The following EYA2 variants were observed in gnomAD, a reference collection of about 807,000 sequenced individuals.
EYA2 encodes protein phosphatase EYA2.
EYA2 carries 31 observed loss-of-function variants against 69.2 expected under a neutral mutation model. The ratio of observed to expected loss-of-function variants is 0.45; its 90% CI spans 0.34 to 0.60. The LOEUF is 0.60. EYA2 is among the 20% of genes least tolerant of loss of function. EYA2 has a pLI of 0.02. For synonymous variants in EYA2, 257 were observed against 279.4 expected (o/e 0.92, Z 0.80); for missense variants, 622 against 701.2 (o/e 0.89, Z 1.28).
intron 11 of EYA2, among the ~76,000 whole-genome samples, chr20:47,169,490 A>G (rs538878890): frequency 6.6e-6 from 1 of 152,252 alleles, no homozygotes; most frequent in African/African-American, 2.4e-5. Flanking sequence ...CTACTATAAT[A>G]AATAAATGAG....
At chr20:47,057,129 A>G (rs577155913) in intron 5 of EYA2, among the ~76,000 whole-genome samples, 2 of 122,368 alleles carry the variant, frequency 1.6e-5, no homozygotes, top group East Asian at 5.2e-4. Context: ...GGAAGAAGAC[A>G]GGAAGGAGGG....
intron 1 of EYA2, among the ~76,000 whole-genome samples, chr20:46,938,008 A>G (rs1172017596): frequency 1.3e-5 from 2 of 152,184 alleles, no homozygotes; most frequent in Admixed American, 1.3e-4. Flanking sequence ...ATCTTATCTT[A>G]TCCCCATTGC....
At chr20:47,123,729 G>T (rs1217946028) in intron 9 of EYA2, among the ~76,000 whole-genome samples, 1 of 152,162 alleles carries the variant, frequency 6.6e-6, no homozygotes, top group Non-Finnish European at 1.5e-5. Context: ...GGTGGCTCAC[G>T]CCTGTAATCC....
rs1330402951 is a variant in EYA2, at chr20:47,097,065, C to G, written c.805-20C>G. ...ACGTGAGTCCATTTTTCTCCATTCTCTTCCTCTCTTTCATCACAGCGTGTG... is the reference window on the plus strand; with the variant it reads ...ACGTGAGTCCATTTTTCTCCATTCTGTTCCTCTCTTTCATCACAGCGTGTG... On this transcript the variant is annotated intron_variant, in intron 8 of 15. Transcript: ENST00000327619. 6.3e-7 allele frequency: 1 copy of G among 1,595,692 alleles called. No individual in the cohort carries two copies.
At chr20:46,911,209 T>C (rs1014435078) in intron 1 of EYA2, among the ~76,000 whole-genome samples, 1 of 151,640 alleles carries the variant, frequency 6.6e-6, no homozygotes, top group African/African-American at 2.4e-5. Context: ...TTTGGCACTA[T>C]TAAGATTTGG....
chr20:47,130,465 C>T (rs1274616175), intron 9 of EYA2, among the ~76,000 whole-genome samples: 1 of 151,690 alleles, frequency 6.6e-6, no homozygotes, highest in East Asian at 2.0e-4. Flanking sequence ...CAGGGTTTCA[C>T]CATGTCAGCC....
chr20:47,085,644 C>CAA lies in EYA2; in HGVS notation c.662-3584_662-3583dup, dbSNP rs555109616. 3.2e-3 allele frequency among the ~76,000 whole-genome samples: 400 copies of CAA among 124,668 alleles called. 3 individuals are homozygous for CAA. Among genetic ancestry groups the CAA allele is most frequent in the African/African-American group, 0.012 (379 of 32,710 alleles). The allele number at this position is 124,668 out of a possible 152,430, so 81.8% of individuals were successfully genotyped here. A position where few individuals can be genotyped will look rare whatever the true frequency, so the allele number is the denominator to read the frequency against. ...CTGGCAACAGAGGGAGACTCTGTCT[C>CAA]AAAAAAAAAAAAGAAAGAAAGAAAT... On this transcript the variant is annotated intron_variant, in intron 7 of 15. Transcript: ENST00000327619.
At chr20:47,006,348 G>T (rs561789117) in intron 4 of EYA2, among the ~76,000 whole-genome samples, 6 of 152,216 alleles carry the variant, frequency 3.9e-5, no homozygotes, top group Non-Finnish European at 8.8e-5. Context: ...AAGGAGGCAG[G>T]AAGAAACTAC....
At chr20:46,937,612 G>T (rs150406733) in intron 1 of EYA2, among the ~76,000 whole-genome samples, 3 of 151,486 alleles carry the variant, frequency 2.0e-5, no homozygotes, top group African/African-American at 7.3e-5. Context: ...TGGTTTTCTG[G>T]GTTGAGAGTC....
At chr20:47,057,143 A>G (rs184946250) in intron 5 of EYA2, among the ~76,000 whole-genome samples, 863 of 78,588 alleles carry the variant, frequency 0.011, 5 homozygotes, top group African/African-American at 0.056. Flanking sequence ...AGGAGGGAGG[A>G]AGGAAGGAAG....
intron 5 of EYA2, among the ~76,000 whole-genome samples, chr20:47,044,771 T>C (rs1187699970): frequency 6.6e-6 from 1 of 152,196 alleles, no homozygotes; most frequent in Admixed American, 6.5e-5. Flanking sequence ...AATGAGAAAT[T>C]TGAGTCACAG....
chr20:47,021,100 G>A (rs777795077), intron 5 of EYA2, among the ~76,000 whole-genome samples: 1 of 152,160 alleles, frequency 6.6e-6, no homozygotes, highest in Non-Finnish European at 1.5e-5. Context: ...TGTTTAGAGC[G>A]CACCTGGCAC....
intron 5 of EYA2, among the ~76,000 whole-genome samples, chr20:47,041,840 T>C (rs1283884861): frequency 7.0e-6 from 1 of 143,430 alleles, no homozygotes; most frequent in Non-Finnish European, 1.5e-5. Flanking sequence ...ATTATTTGAT[T>C]TTTTTTTTAA....
intron 11 of EYA2, among the ~76,000 whole-genome samples, chr20:47,171,532 G>A (rs1477658553): frequency 6.6e-6 from 1 of 152,116 alleles, no homozygotes; most frequent in Non-Finnish European, 1.5e-5. Context: ...CTAGGAGAGA[G>A]AGATGCTTTT....
At chr20:47,038,320 C>G (rs1183762583) in intron 5 of EYA2, among the ~76,000 whole-genome samples, 1 of 151,878 alleles carries the variant, frequency 6.6e-6, no homozygotes, top group Admixed American at 6.6e-5. Flanking sequence ...GGCAACATGG[C>G]AAGACCCCGT....
chr20:46,999,308 G>A (rs1206798), intron 2 of EYA2, among the ~76,000 whole-genome samples: 13,884 of 152,172 alleles, frequency 0.091, 1,981 homozygotes, highest in African/African-American at 0.3. Flanking sequence ...GTTCATTCTT[G>A]AGCCCTGTGG....
At chr20:46,964,070 C>G (rs113389878) in intron 1 of EYA2, among the ~76,000 whole-genome samples, 1 of 152,186 alleles carries the variant, frequency 6.6e-6, no homozygotes, top group Non-Finnish European at 1.5e-5. Context: ...ATCGAAAATA[C>G]CAGAGTGTGT....
intron 14 of EYA2, 44 bp from the exon 15 acceptor site, chr20:47,183,247 G>T: frequency 6.3e-7 from 1 of 1,588,910 alleles, no homozygotes; most frequent in Non-Finnish European, 8.6e-7. Context: ...TGCAATCCGG[G>T]GTCCTCACAG....
chr20:47,176,604 A>G (rs576610328), intron 12 of EYA2, among the ~76,000 whole-genome samples: 1 of 152,310 alleles, frequency 6.6e-6, no homozygotes, highest in Non-Finnish European at 1.5e-5. Context: ...AATACAAGCA[A>G]AGAGTCAATC....
Sources: gnomAD v4.1 joint callset for allele counts (sites outside exome capture counted in the v4.1 genomes callset) on GRCh38, gnomAD v4.1.1 for gene constraint, MANE v1.5 for transcripts, NCBI Gene and HGNC (gene_info 2026-07-23, HGNC 2026-07-21) for gene names.